Variants in VPS13A observed in about 807,000 individuals in gnomAD.
VPS13A encodes the protein vacuolar protein sorting 13 homolog A.
Under a neutral mutation model 390.9 loss-of-function variants are expected in VPS13A, and 264 were observed. That is an observed-to-expected ratio of 0.68 (90% CI 0.61 to 0.75). VPS13A has a LOEUF of 0.75. Ranked by LOEUF, VPS13A falls within the 30% of genes least tolerant of loss-of-function variation. VPS13A has a pLI of 0.00. For synonymous variants in VPS13A, 1,231 were observed against 1,227.1 expected (o/e 1.00, Z -0.07); for missense variants, 3,409 against 3,733.9 (o/e 0.91, Z 2.27).
chr9:77,408,996 C>T (rs1467817496), intron 71 of VPS13A, among the ~76,000 whole-genome samples: 2 of 152,224 alleles, frequency 1.3e-5, no homozygotes, highest in Non-Finnish European at 2.9e-5. Context: ...CAGACTGCCT[C>T]CTCAAGTGGG....
At chr9:77,324,418 T>G (rs1304395118) in intron 45 of VPS13A, among the ~76,000 whole-genome samples, 1 of 152,218 alleles carries the variant, frequency 6.6e-6, no homozygotes, top group African/African-American at 2.4e-5. Flanking sequence ...TTGTAAACGT[T>G]CCCTTCTATT....
chr9:77,282,484 A>G (rs910438577), intron 29 of VPS13A, among the ~76,000 whole-genome samples: 1 of 152,176 alleles, frequency 6.6e-6, no homozygotes, highest in Non-Finnish European at 1.5e-5. Context: ...TGTTTATCGT[A>G]TATAATAATT....
chr9:77,268,905 A>T (rs1826192398), intron 23 of VPS13A, among the ~76,000 whole-genome samples: 1 of 150,464 alleles, frequency 6.6e-6, no homozygotes, highest in African/African-American at 2.5e-5. Flanking sequence ...GCGCCACTGC[A>T]CTCCAGCCTG....
chr9:77,344,184 G>T lies in VPS13A; in HGVS notation c.7058G>T (p.Ser2353Ile). The T allele has an allele frequency of 6.2e-7, 1 of 1,610,752 alleles. No individual in the cohort carries two copies. The highest frequency in any genetic ancestry group is 8.5e-7 in the Non-Finnish European group (1 of 1,177,286). ...CIPFWPEYASSKLLIQVERSE... is the reference protein window; with the variant it reads ...CIPFWPEYASIKLLIQVERSE... ...CCCTTTTGGCCTGAGTATGCTTCTA[G>T]TAAACTTCTTATTCAAGTCGAAAGG... Residue 2353 changes from serine to isoleucine, a missense_variant, in exon 51 of 72, where the codon AGT becomes ATT. This residue lies in a region of VPS13A where 2,717 missense variants were observed against 2,917.4 expected (regional missense o/e 0.93). Coordinates refer to ENST00000360280, the MANE Select transcript of VPS13A (RefSeq NM_033305.3).
At chr9:77,306,401 A>AGAGT (rs550279922) in intron 34 of VPS13A, among the ~76,000 whole-genome samples, 2 of 107,694 alleles carry the variant, frequency 1.9e-5, no homozygotes, top group African/African-American at 3.5e-5. Flanking sequence ...AGAGAGAGAG[A>AGAGT]GTGTGTGTGT....
intron 17 of VPS13A, among the ~76,000 whole-genome samples, 198 bp downstream of exon 17, chr9:77,228,462 G>C (rs1342733937): frequency 6.6e-6 from 1 of 151,830 alleles, no homozygotes; most frequent in Non-Finnish European, 1.5e-5. Context: ...GAAACATAGG[G>C]CATTAAAGAA....
Position 77,302,915 on chromosome 9 carries a change from A to C in VPS13A, c.3813A>C (p.Arg1271Ser). The C allele has an allele frequency of 6.2e-7, 1 of 1,612,588 alleles. No individual in the cohort carries two copies. Among genetic ancestry groups the C allele is most frequent in the Non-Finnish European group, 8.5e-7 (1 of 1,178,740 alleles). The stretch of plus-strand genomic sequence containing the variant: ...AAAAGAATGTTATCTCTACTTATAG[A>C]TCTCGATTTATTAATGATGCATACC... ...TIKLSEMRLY[R>S]SRFINDAYQE... is the part of the protein sequence containing the mutation. Residue 1271 changes from arginine to serine, a missense_variant and splice_region_variant, in exon 34 of 72, where the codon AGA (arginine) becomes AGC (serine). This residue lies in a region of VPS13A where 2,717 missense variants were observed against 2,917.4 expected (regional missense o/e 0.93). Transcript: ENST00000360280.
intron 71 of VPS13A, among the ~76,000 whole-genome samples, chr9:77,411,140 A>C (rs1386242724): frequency 6.6e-6 from 1 of 152,224 alleles, no homozygotes; most frequent in Non-Finnish European, 1.5e-5. Context: ...AAACTCACTT[A>C]AAACCACTCA....
chr9:77,409,708 GATGAA>G (rs1482584391), intron 71 of VPS13A, among the ~76,000 whole-genome samples: 28 of 151,270 alleles, frequency 1.9e-4, no homozygotes, highest in African/African-American at 3.7e-4. Context: ...AGTGATGGAA[GATGAA>G]ATGAATGAAA....
At chr9:77,276,251 A>G (rs966565886) in intron 26 of VPS13A, 30 bp downstream of exon 26, 1 of 1,524,080 alleles carries the variant, frequency 6.6e-7, no homozygotes, top group Non-Finnish European at 8.8e-7. Context: ...AAAATAAATA[A>G]ATTAATTTCA....
intron 15 of VPS13A, 73 bp from the exon 16 acceptor site, chr9:77,227,317 AT>A: frequency 9.3e-7 from 1 of 1,069,882 alleles, no homozygotes. Flanking sequence ...CATTCTGTTT[AT>A]TAAAGGCAGA....
At chr9:77,271,762 A>G (rs1826367040) in intron 23 of VPS13A, among the ~76,000 whole-genome samples, 1 of 152,220 alleles carries the variant, frequency 6.6e-6, no homozygotes, top group African/African-American at 2.4e-5. Flanking sequence ...CAAAACTTGT[A>G]TTCTAAAACC....
intron 69 of VPS13A, 44 bp downstream of exon 69, chr9:77,403,365 C>G (rs1347439509): frequency 5.6e-6 from 8 of 1,439,854 alleles, no homozygotes; most frequent in Non-Finnish European, 7.8e-6. Context: ...AAGGGGTTAA[C>G]TGACAGCGAC....
At position 77,332,016 on chromosome 9, in the gene VPS13A, A is replaced by T. The variant is rs565708077; in HGVS notation, c.5998A>T (p.Asn2000Tyr). Residue 2000 changes from asparagine (N) to tyrosine (Y), a missense_variant, in exon 46 of 72, where the codon AAT (asparagine) becomes TAT (tyrosine). This residue lies in a region of VPS13A where 2,717 missense variants were observed against 2,917.4 expected (regional missense o/e 0.93). Coordinates refer to ENST00000360280, the MANE Select transcript of VPS13A (RefSeq NM_033305.3). The stretch of plus-strand genomic sequence containing the variant: ...ATTTGTTTTTCTTTCCCAGATAAGA[A>T]ATCATTTTTCAGTCCCACTGTCTGT... The part of the protein sequence containing the change: ...VTIRSPVQIR[N>Y]HFSVPLSVYE... 6.2e-7 allele frequency: 1 copy of T among 1,607,488 alleles called. No homozygotes were observed. The highest frequency in any genetic ancestry group is 1.3e-5 in the African/African-American group (1 of 74,922).
intron 31 of VPS13A, among the ~76,000 whole-genome samples, 196 bp from the exon 32 acceptor site, chr9:77,293,145 C>T (rs555024627): frequency 3.9e-5 from 6 of 152,136 alleles, no homozygotes; most frequent in Admixed American, 1.3e-4. Flanking sequence ...GAAATTGCCA[C>T]CACCAATTTG....
intron 55 of VPS13A, 21 bp from the exon 56 acceptor site, chr9:77,357,671 T>C: frequency 1.2e-6 from 2 of 1,611,858 alleles, no homozygotes; most frequent in East Asian, 2.2e-5. Flanking sequence ...ATTTTTTCAT[T>C]TGGGGGGACA....
intron 67 of VPS13A, among the ~76,000 whole-genome samples, chr9:77,378,946 G>T (rs1833267543): frequency 6.9e-6 from 1 of 144,832 alleles, no homozygotes; most frequent in African/African-American, 2.6e-5. Context: ...TTGACATTTT[G>T]TTATTTATGC....
intron 17 of VPS13A, among the ~76,000 whole-genome samples, chr9:77,235,420 T>C (rs1407832828): frequency 6.6e-6 from 1 of 152,226 alleles, no homozygotes. Flanking sequence ...TGTTAATCTA[T>C]TACATATCTT....
At position 77,407,513 on chromosome 9, in the gene VPS13A, T is replaced by C. The variant is rs1458923062; in HGVS notation, c.9400-20T>C. 1.9e-6 allele frequency: 3 copies of C among 1,594,662 alleles called. No individual in the cohort carries two copies. The highest frequency in any genetic ancestry group is 3.3e-5 in the Admixed American group (2 of 59,920). ...ACAACCAGATTATCTTTTTAATGAATTTACATATTCTGTTTATAGGAACGA... is the reference window on the plus strand; with the variant it reads ...ACAACCAGATTATCTTTTTAATGAACTTACATATTCTGTTTATAGGAACGA... On this transcript the variant is annotated intron_variant, in intron 70 of 71. Transcript: ENST00000360280.
Sources: gnomAD v4.1 joint callset for allele counts (sites outside exome capture counted in the v4.1 genomes callset) on GRCh38, gnomAD v4.1.1 for gene constraint, gnomAD v4.1.1 regional missense constraint, MANE v1.5 for transcripts, NCBI Gene and HGNC (gene_info 2026-07-23, HGNC 2026-07-21) for gene names.